PTPRD: variants seen among roughly 807,000 people sequenced by gnomAD.
PTPRD encodes protein tyrosine phosphatase receptor type D, also known as receptor-type tyrosine-protein phosphatase delta.
A neutral mutation model predicts 214.5 loss-of-function variants in PTPRD; 34 were observed. The ratio of observed to expected loss-of-function variants is 0.16; its 90% confidence interval spans 0.12 to 0.21. The LOEUF (loss-of-function observed/expected upper bound fraction) is 0.21. Among genes scored for constraint, PTPRD ranks in the 10% least tolerant of loss-of-function variants. PTPRD has a pLI of 1.00. For synonymous variants in PTPRD, 1,128 were observed against 845.7 expected (o/e 1.33, Z -5.79); for missense variants, 2,545 against 2,398.7 (o/e 1.06, Z -1.27).
chr9:9,081,763 CT>C (rs2099759398), intron 10 of PTPRD, among the ~76,000 whole-genome samples: 1 of 149,628 alleles, frequency 6.7e-6, no homozygotes, highest in South Asian at 2.1e-4. Context: ...CCTTCTTTGT[CT>C]TTTTTGATCT....
chr9:8,364,929 T>C (rs774652956), intron 39 of PTPRD, among the ~76,000 whole-genome samples: 1 of 152,132 alleles, frequency 6.6e-6, no homozygotes, highest in Non-Finnish European at 1.5e-5. Flanking sequence ...CCTCTCAATA[T>C]ACAGGTGCTT....
chr9:8,575,975 G>C (rs1243102781), intron 14 of PTPRD, among the ~76,000 whole-genome samples: 2 of 152,118 alleles, frequency 1.3e-5, no homozygotes, highest in African/African-American at 4.8e-5. Context: ...AAATAACTTA[G>C]GTCAGTTTAC....
intron 10 of PTPRD, among the ~76,000 whole-genome samples, chr9:9,167,328 T>TTGTGTGTG (rs147430665): frequency 2.2e-4 from 32 of 145,690 alleles, no homozygotes; most frequent in African/African-American, 6.6e-4. Flanking sequence ...TATATGGGGT[T>TTGTGTGTG]TGTGTGTGTG....
intron 33 of PTPRD, among the ~76,000 whole-genome samples, chr9:8,452,840 A>T (rs1180385693): frequency 1.3e-5 from 2 of 152,198 alleles, no homozygotes; most frequent in South Asian, 4.1e-4. Flanking sequence ...TGGGGGGAAG[A>T]AAAAAACAAA....
intron 2 of PTPRD, among the ~76,000 whole-genome samples, chr9:10,571,170 T>G (rs936307131): frequency 2.0e-5 from 3 of 152,162 alleles, no homozygotes; most frequent in Non-Finnish European, 4.4e-5. Flanking sequence ...TGAGGTTAAT[T>G]ATTGACTGCA....
intron 5 of PTPRD, among the ~76,000 whole-genome samples, chr9:9,866,205 T>A (rs920129530): frequency 6.6e-6 from 1 of 152,266 alleles, no homozygotes; most frequent in African/African-American, 2.4e-5. Context: ...GTTAGTAATT[T>A]GTACTACACA....
intron 9 of PTPRD, among the ~76,000 whole-genome samples, chr9:9,375,593 C>G (rs1335365796): frequency 6.6e-6 from 1 of 151,904 alleles, no homozygotes; most frequent in Non-Finnish European, 1.5e-5. Context: ...AAGACTCCGT[C>G]TCAAAAAACA....
intron 2 of PTPRD, among the ~76,000 whole-genome samples, chr9:10,526,204 G>A (rs1037550501): frequency 1.3e-5 from 2 of 152,070 alleles, no homozygotes; most frequent in African/African-American, 2.4e-5. Flanking sequence ...GAATAAAATA[G>A]CGCATTTCAT....
rs558214779 is a variant in PTPRD at position 9,038,283 on chromosome 9, G to A, written c.-142-19548C>T. ...GGAGCATGAGCCCAGATGGGCAGCT[G>A]GGACCTACCACAGGACAGTTTGGTC... On this transcript the variant is annotated intron_variant, in intron 10 of 45. Transcript: ENST00000381196. Among the ~76,000 whole-genome samples, 165 of 152,238 alleles carry A rather than the reference G, an allele frequency of 1.1e-3. 1 individual carries two copies. Among genetic ancestry groups the A allele is most frequent in the African/African-American group, 3.5e-3 (147 of 41,552 alleles).
chr9:10,471,782 G>A (rs527623075), intron 2 of PTPRD, among the ~76,000 whole-genome samples: 3 of 152,120 alleles, frequency 2.0e-5, no homozygotes, highest in South Asian at 4.1e-4. Flanking sequence ...TTAAGTTGAA[G>A]AGATGTCAGA....
chr9:8,339,123 AATCT>A, intron 42 of PTPRD, 76 bp from the exon 43 acceptor site: 8 of 1,360,648 alleles, frequency 5.9e-6, no homozygotes, highest in Non-Finnish European at 5.9e-6. Context: ...CTATCTATCT[AATCT>A]ATCTAATTTC....
chr9:9,110,552 T>C (rs76136223), intron 10 of PTPRD, among the ~76,000 whole-genome samples: 2,422 of 152,202 alleles, frequency 0.016, 43 homozygotes, highest in East Asian at 0.064. Flanking sequence ...GTCCCACTGT[T>C]TTTACAAAAA....
At chr9:8,921,192 A>G (rs1426592961) in intron 11 of PTPRD, among the ~76,000 whole-genome samples, 2 of 152,230 alleles carry the variant, frequency 1.3e-5, no homozygotes, top group Non-Finnish European at 2.9e-5. Flanking sequence ...TCATTGACAC[A>G]TTAGAAGATA....
At chr9:9,971,006 T>C (rs555029543) in intron 4 of PTPRD, among the ~76,000 whole-genome samples, 3 of 152,340 alleles carry the variant, frequency 2.0e-5, no homozygotes, top group East Asian at 1.9e-4. Context: ...TATTCAAGAA[T>C]CTCAGTTGCT....
intron 2 of PTPRD, among the ~76,000 whole-genome samples, chr9:10,423,006 A>G (rs1038464512): frequency 1.3e-5 from 2 of 152,052 alleles, no homozygotes; most frequent in South Asian, 2.1e-4. Flanking sequence ...ACATGCACAC[A>G]TATGTTTATT....
At chr9:9,078,813 G>C (rs1569531836) in intron 10 of PTPRD, among the ~76,000 whole-genome samples, 1 of 151,954 alleles carries the variant, frequency 6.6e-6, no homozygotes, top group African/African-American at 2.4e-5. Flanking sequence ...TGGGGCAGTG[G>C]GATGGGACTT....
chr9:10,472,253 T>TA (rs2099035869), intron 2 of PTPRD, among the ~76,000 whole-genome samples: 1 of 152,134 alleles, frequency 6.6e-6, no homozygotes, highest in Non-Finnish European at 1.5e-5. Context: ...ATGAACCTCT[T>TA]TTTCAAGACT....
At chr9:9,781,121 A>G (rs188187393) in intron 5 of PTPRD, among the ~76,000 whole-genome samples, 4 of 152,316 alleles carry the variant, frequency 2.6e-5, no homozygotes, top group African/African-American at 7.2e-5. Flanking sequence ...GACATTAGGT[A>G]TTAGTCAAAA....
intron 2 of PTPRD, among the ~76,000 whole-genome samples, chr9:10,396,567 G>A (rs1243060992): frequency 6.6e-6 from 1 of 151,980 alleles, no homozygotes; most frequent in Non-Finnish European, 1.5e-5. Context: ...CAGATTCTGG[G>A]AAGAGAATTA....
Sources: gnomAD v4.1 joint callset for allele counts (sites outside exome capture counted in the v4.1 genomes callset) on GRCh38, gnomAD v4.1.1 for gene constraint, MANE v1.5 for transcripts, NCBI Gene and HGNC (gene_info 2026-07-23, HGNC 2026-07-21) for gene names.